Variants in SPRY3 observed in about 807,000 individuals in gnomAD.
The protein encoded by SPRY3 is sprouty RTK signaling antagonist 3.
A neutral mutation model predicts 20.2 loss-of-function variants in SPRY3; 15 were observed. The ratio of observed to expected loss-of-function variants is 0.74; its 90% CI spans 0.50 to 1.14. The LOEUF (loss-of-function observed/expected upper bound fraction) is 1.14. SPRY3 is among the 50% of genes most tolerant of loss of function. SPRY3 has a pLI of 0.00. For synonymous variants in SPRY3, 143 were observed against 136.5 expected, an observed-to-expected ratio of 1.05 and a Z score of -0.33; for missense variants, 364 against 363.9, an observed-to-expected ratio of 1.00 and a Z score of 0.00.
intron 2 of SPRY3, among the ~76,000 whole-genome samples, chrX:155,714,266 G>A (rs1223783631): frequency 6.6e-6 from 1 of 152,148 alleles, no homozygotes; most frequent in Non-Finnish European, 1.5e-5. Flanking sequence ...GCTTGTAGAT[G>A]TTCTTCAGTG....
intron 2 of SPRY3, among the ~76,000 whole-genome samples, chrX:155,680,479 C>G (rs1403154448): frequency 9.1e-6 from 1 of 110,067 alleles, no homozygotes; most frequent in Non-Finnish European, 1.9e-5. Context: ...TGGGATATTC[C>G]CCCACAGTCA....
intron 2 of SPRY3, among the ~76,000 whole-genome samples, chrX:155,715,172 C>G (rs2091013564): frequency 6.6e-6 from 1 of 152,064 alleles, no homozygotes; most frequent in Admixed American, 6.6e-5. Context: ...GCCACCACAG[C>G]TGGGAATGTG....
chrX:155,744,234 A>G (rs2091215815), intron 2 of SPRY3, among the ~76,000 whole-genome samples: 1 of 152,118 alleles, frequency 6.6e-6, no homozygotes, highest in Non-Finnish European at 1.5e-5. Flanking sequence ...CCTACAGTAG[A>G]AAGTCCAGCC....
downstream of SPRY3, chrX:155,778,538 TG>T (rs200102813): frequency 6.1e-6 from 1 of 164,462 alleles, no homozygotes; most frequent in South Asian, 2.1e-4. Flanking sequence ...AATTTTTTTT[TG>T]AACAAAGTAT....
intron 3 of SPRY3, among the ~76,000 whole-genome samples, chrX:155,772,792 A>G (rs1201555683): frequency 1.3e-5 from 2 of 152,116 alleles, no homozygotes; most frequent in Non-Finnish European, 2.9e-5. Context: ...TAGCTTAAAT[A>G]TGGTATAAGA....
chrX:155,761,719 T>TTA (rs2091304915), intron 2 of SPRY3, among the ~76,000 whole-genome samples: 1 of 151,810 alleles, frequency 6.6e-6, no homozygotes, highest in Non-Finnish European at 1.5e-5. Flanking sequence ...CACCTATTTT[T>TTA]TTTTTTTTTT....
At chrX:155,616,124 C>G (rs1311748987) in intron 1 of SPRY3, among the ~76,000 whole-genome samples, 1 of 50,950 alleles carries the variant, frequency 2.0e-5, no homozygotes, top group Non-Finnish European at 5.3e-5. Flanking sequence ...CTCTCTCTCT[C>G]TCTCTCCTCT....
At chrX:155,750,537 G>C (rs958283849) in intron 2 of SPRY3, among the ~76,000 whole-genome samples, 1 of 151,930 alleles carries the variant, frequency 6.6e-6, no homozygotes, top group African/African-American at 2.4e-5. Flanking sequence ...GCCAAGTAAA[G>C]AAAGTGTTTC....
At chrX:155,712,507 G>A (rs1253698906) in intron 2 of SPRY3, among the ~76,000 whole-genome samples, 1 of 151,914 alleles carries the variant, frequency 6.6e-6, no homozygotes, top group Admixed American at 6.6e-5. Context: ...AGCTACTTCT[G>A]CTCTTTTTGG....
chrX:155,629,318 G>T (rs182743520), intron 1 of SPRY3, among the ~76,000 whole-genome samples: 9 of 109,628 alleles, frequency 8.2e-5, no homozygotes, highest in African/African-American at 3.0e-4. Context: ...CATCCATGTC[G>T]CCACAAAGGA....
At chrX:155,778,739 A>G (rs1404066591), downstream of SPRY3, 1 of 167,132 alleles carries the variant, frequency 6.0e-6, no homozygotes, top group African/African-American at 2.4e-5. Context: ...CTTAAAGAAC[A>G]TCTAGTCCAA....
At chrX:155,633,865 A>G (rs1264260724) in intron 1 of SPRY3, among the ~76,000 whole-genome samples, 1 of 111,822 alleles carries the variant, frequency 8.9e-6, no homozygotes, top group Non-Finnish European at 1.9e-5. Context: ...AGCCTCAAGA[A>G]CTTCCCATTA....
intron 2 of SPRY3, among the ~76,000 whole-genome samples, chrX:155,750,759 T>C (rs999191186): frequency 5.3e-5 from 8 of 151,678 alleles, no homozygotes; most frequent in African/African-American, 1.7e-4. Context: ...AGACGGCTGG[T>C]GGGTTATAAA....
At chrX:155,673,071 GGGGTGA>G (rs1557354960) in intron 2 of SPRY3, among the ~76,000 whole-genome samples, 1 of 24,411 alleles carries the variant, frequency 4.1e-5, no homozygotes, top group African/African-American at 9.9e-5. Flanking sequence ...GTTGTGGGGT[GGGGTGA>G]GGGGGAGGGA....
chrX:155,655,509 C>A (rs868940331), intron 1 of SPRY3, among the ~76,000 whole-genome samples: 1 of 111,211 alleles, frequency 9.0e-6, no homozygotes, highest in Non-Finnish European at 1.9e-5. Flanking sequence ...TAAGTATTTA[C>A]TCCGTTTTGA....
intron 2 of SPRY3, among the ~76,000 whole-genome samples, chrX:155,752,329 A>G (rs763684257): frequency 6.6e-6 from 1 of 151,908 alleles, no homozygotes; most frequent in South Asian, 2.1e-4. Flanking sequence ...ATACTAAAAA[A>G]AAAAGCACAA....
intron 2 of SPRY3, among the ~76,000 whole-genome samples, chrX:155,753,177 A>G: frequency 6.6e-6 from 1 of 151,894 alleles, no homozygotes; most frequent in Non-Finnish European, 1.5e-5. Context: ...ACGTTGTACA[A>G]CTATCACCAC....
intron 2 of SPRY3, among the ~76,000 whole-genome samples, chrX:155,699,919 G>A (rs2068130516): frequency 9.3e-6 from 1 of 107,812 alleles, no homozygotes; most frequent in Admixed American, 1.0e-4. Context: ...GGAGATGAAT[G>A]AGAAAGGAAC....
chrX:155,717,547 C>T (rs771217902), intron 2 of SPRY3, among the ~76,000 whole-genome samples: 2 of 152,098 alleles, frequency 1.3e-5, no homozygotes, highest in East Asian at 3.9e-4. Context: ...CTAATGCTCT[C>T]CCTCCTCTTG....
Sources: allele counts gnomAD v4.1 joint callset (sites outside exome capture counted in the v4.1 genomes callset), GRCh38; gene constraint gnomAD v4.1.1; transcripts MANE v1.5; gene names NCBI Gene and HGNC (gene_info 2026-07-23, HGNC 2026-07-21).